CHST11: variants seen among roughly 807,000 people sequenced by gnomAD.
CHST11 encodes the protein carbohydrate sulfotransferase 11.
CHST11 carries 9 observed loss-of-function variants against 30.4 expected under a neutral mutation model. The observed-to-expected ratio is 0.30, with a 90% CI of 0.18 to 0.52. CHST11 has a LOEUF of 0.52. CHST11 is among the 20% of genes least tolerant of loss of function. The pLI is 0.97. For missense variants in CHST11, 348 were observed against 460.6 expected (o/e 0.76, Z 2.24); for synonymous variants, 152 against 187.8 (o/e 0.81, Z 1.56).
chr12:104,471,545 T>C (rs1221919390), intron 1 of CHST11, among the ~76,000 whole-genome samples: 1 of 152,198 alleles, frequency 6.6e-6, no homozygotes, highest in Non-Finnish European at 1.5e-5. Flanking sequence ...GGTAATTAAA[T>C]GTGTCCCAGA....
At chr12:104,520,017 A>C (rs946263515) in intron 1 of CHST11, among the ~76,000 whole-genome samples, 1 of 152,050 alleles carries the variant, frequency 6.6e-6, no homozygotes, top group Non-Finnish European at 1.5e-5. Flanking sequence ...AGGGACTGGG[A>C]CTCCATCAGG....
chr12:104,603,583 T>G (rs1284661055), intron 2 of CHST11, among the ~76,000 whole-genome samples: 1 of 152,182 alleles, frequency 6.6e-6, no homozygotes, highest in Non-Finnish European at 1.5e-5. Flanking sequence ...CCTGAATATA[T>G]GATGAGTTAT....
chr12:104,479,769 T>A (rs2037601456), intron 1 of CHST11, among the ~76,000 whole-genome samples: 1 of 152,248 alleles, frequency 6.6e-6, no homozygotes, highest in South Asian at 2.1e-4. Context: ...GTTTACCTCC[T>A]GTTGCTAGAA....
rs1390056905 is a variant in CHST11 at position 104,457,369 on chromosome 12, C to T, written c.-43C>T. On this transcript the variant is annotated 5_prime_UTR_variant, in exon 1 of 3. Transcript: ENST00000303694. ...GGGGTCCCTGCTCCTGCGCCCCGGGCGCGCTTCCCGGACACCCCGGTCCCC... is the reference window on the plus strand; with the variant it reads ...GGGGTCCCTGCTCCTGCGCCCCGGGTGCGCTTCCCGGACACCCCGGTCCCC... 1.4e-6 allele frequency: 2 copies of T among 1,471,526 alleles called. No homozygotes were observed. The highest frequency in any genetic ancestry group is 1.9e-4 in the Middle Eastern group (1 of 5,196). 91.2% of individuals were successfully genotyped at this position (1,471,526 alleles called of 1,614,324 possible).
chr12:104,546,555 A>G (rs546613072), intron 1 of CHST11, among the ~76,000 whole-genome samples: 1 of 152,176 alleles, frequency 6.6e-6, no homozygotes. Context: ...CTGCCTATTT[A>G]GAAAGCTCTG....
At chr12:104,618,156 CT>C (rs2039125921) in intron 2 of CHST11, among the ~76,000 whole-genome samples, 1 of 151,876 alleles carries the variant, frequency 6.6e-6, no homozygotes, top group Non-Finnish European at 1.5e-5. Context: ...ATCTGCCTGC[CT>C]CGGCCTCCCA....
chr12:104,708,267 A>T (rs2040054347), intron 2 of CHST11, among the ~76,000 whole-genome samples: 1 of 152,154 alleles, frequency 6.6e-6, no homozygotes, highest in Non-Finnish European at 1.5e-5. Flanking sequence ...AGGTTACTTT[A>T]TTTCACAGAG....
intron 2 of CHST11, among the ~76,000 whole-genome samples, chr12:104,680,165 T>A (rs972443575): frequency 1.9e-4 from 29 of 152,218 alleles, no homozygotes; most frequent in Admixed American, 5.9e-4. Flanking sequence ...GCATACTTTC[T>A]GGTTGAGAGG....
At chr12:104,719,418 A>G (rs993297553) in intron 2 of CHST11, among the ~76,000 whole-genome samples, 2 of 152,126 alleles carry the variant, frequency 1.3e-5, no homozygotes, top group African/African-American at 2.4e-5. Flanking sequence ...AAGTCAACAC[A>G]CCATCCACCC....
chr12:104,604,808 C>T (rs1291411510), intron 2 of CHST11, among the ~76,000 whole-genome samples: 2 of 152,120 alleles, frequency 1.3e-5, no homozygotes, highest in African/African-American at 2.4e-5. Context: ...AAAACAGGAA[C>T]TGTTTATTTT....
chr12:104,583,377 A>G (rs575466230), intron 1 of CHST11, among the ~76,000 whole-genome samples: 78 of 152,152 alleles, frequency 5.1e-4, no homozygotes, highest in African/African-American at 1.8e-3. Context: ...TCAGCTTTGC[A>G]TCTTGGATTC....
chr12:104,742,484 C>T (rs2040354945), intron 2 of CHST11, among the ~76,000 whole-genome samples: 1 of 152,186 alleles, frequency 6.6e-6, no homozygotes, highest in Non-Finnish European at 1.5e-5. Flanking sequence ...CCAGCAGGTG[C>T]TCAGCCTGCC....
chr12:104,577,803 T>C (rs532662841), intron 1 of CHST11, among the ~76,000 whole-genome samples: 3 of 152,152 alleles, frequency 2.0e-5, no homozygotes, highest in African/African-American at 7.2e-5. Context: ...ACCGATCTGG[T>C]TGAGAACCAA....
intron 1 of CHST11, among the ~76,000 whole-genome samples, chr12:104,544,446 G>T (rs2038322498): frequency 6.6e-6 from 1 of 152,082 alleles, no homozygotes; most frequent in Admixed American, 6.6e-5. Flanking sequence ...GCCGGGCACG[G>T]TGGCTTACAC....
chr12:104,506,330 G>T (rs1166022409), intron 1 of CHST11, among the ~76,000 whole-genome samples: 1 of 152,146 alleles, frequency 6.6e-6, no homozygotes, highest in African/African-American at 2.4e-5. Context: ...TGTGACCTGG[G>T]GTTATATAAC....
In CHST11 at chr12:104,676,810, A is replaced by G. The variant is rs2039746806; in HGVS notation, c.204+74819A>G. Among the ~76,000 whole-genome samples, 1 of 152,220 alleles carries G rather than the reference A, an allele frequency of 6.6e-6. No individual in the cohort carries two copies. The highest frequency in any genetic ancestry group is 2.1e-4 in the South Asian group (1 of 4,838). On this transcript the variant is annotated intron_variant, in intron 2 of 2. Transcript: ENST00000303694. The surrounding 1 kb of genome is among the most constrained non-coding windows in gnomAD (Gnocchi z 4.4). ...CGCAGCTGCAAATTCTCCTTTTGCC[A>G]TGGAAGGTCACATTCACAGGTTCCA...
intron 1 of CHST11, among the ~76,000 whole-genome samples, chr12:104,570,500 G>A (rs908487638): frequency 2.0e-5 from 3 of 152,104 alleles, no homozygotes; most frequent in Non-Finnish European, 2.9e-5. Flanking sequence ...CTGGGGATGA[G>A]CATGGCAGGA....
intron 2 of CHST11, among the ~76,000 whole-genome samples, chr12:104,710,272 G>A (rs779119353): frequency 5.3e-5 from 8 of 152,300 alleles, no homozygotes; most frequent in Admixed American, 2.6e-4. Flanking sequence ...TGGCTGCAGC[G>A]AGGAGGGAGG....
intron 1 of CHST11, among the ~76,000 whole-genome samples, chr12:104,531,143 C>T (rs565283731): frequency 6.6e-6 from 1 of 152,214 alleles, no homozygotes; most frequent in South Asian, 2.1e-4. Context: ...AGAAGAATCG[C>T]TCAAAGATGA....
Sources: allele counts gnomAD v4.1 joint callset (sites outside exome capture counted in the v4.1 genomes callset), GRCh38; gene constraint gnomAD v4.1.1; non-coding constraint Gnocchi (gnomAD v3.1); transcripts MANE v1.5; gene names NCBI Gene and HGNC (gene_info 2026-07-23, HGNC 2026-07-21).